The following ALB variants were observed in gnomAD, a reference collection of about 807,000 sequenced individuals.
ALB encodes the protein albumin, also known as serum albumin.
A neutral mutation model predicts 74.5 loss-of-function variants in ALB; 37 were observed. The ratio of observed to expected loss-of-function variants is 0.50; its 90% CI spans 0.38 to 0.65. The LOEUF (loss-of-function observed/expected upper bound fraction) is 0.65, where lower values mean the gene tolerates loss of function less well. ALB is among the 30% of genes least tolerant of loss of function. ALB has a pLI of 0.00. For missense variants in ALB, 685 were observed against 718.7 expected (o/e 0.95, Z 0.54); for synonymous variants, 249 against 251.6 (o/e 0.99, Z 0.10).
chr4:73,417,956 C>A, intron 11 of ALB, 132 bp from the exon 12 acceptor site: 1 of 882,248 alleles, frequency 1.1e-6, no homozygotes, highest in South Asian at 1.4e-5. Flanking sequence ...TCAAGCCATT[C>A]TCCTGCCTCA....
rs1356780437 is a variant in ALB at position 73,417,647 on chromosome 4, G to T, written c.1406G>T (p.Arg469Ile). 1 of 1,613,566 alleles carries T rather than the reference G, an allele frequency of 6.2e-7. No homozygotes were observed. Among genetic ancestry groups the T allele is most frequent in the Non-Finnish European group, 8.5e-7 (1 of 1,179,794 alleles). Residue 469 changes from arginine (R) to isoleucine (I), a missense_variant, in exon 11 of 15, where the codon AGA (arginine) becomes ATA (isoleucine). Arg to Ile is a moderately conservative substitution (Grantham distance 97). Coordinates refer to ENST00000295897, the MANE Select transcript of ALB (RefSeq NM_000477.7). ...SKCCKHPEAK[R>I]MPCAEDYLSV... ...TGTTGTAAACATCCTGAAGCAAAAA[G>T]AATGCCCTGTGCAGAAGACTATGTG...
At chr4:73,418,938 CA>C (rs1719082334) in intron 12 of ALB, among the ~76,000 whole-genome samples, 1 of 152,072 alleles carries the variant, frequency 6.6e-6, no homozygotes, top group Non-Finnish European at 1.5e-5. Context: ...GTTGTCTTTG[CA>C]GATGTCAGTG....
At chr4:73,411,739 T>C (rs1718882124) in intron 6 of ALB, among the ~76,000 whole-genome samples, 1 of 152,202 alleles carries the variant, frequency 6.6e-6, no homozygotes, top group Non-Finnish European at 1.5e-5. Context: ...TCTCAGCCTG[T>C]TGCCCCTTTT....
At chr4:73,420,488 G>A (rs923035973) in intron 14 of ALB, among the ~76,000 whole-genome samples, 167 bp downstream of exon 14, 2 of 152,054 alleles carry the variant, frequency 1.3e-5, no homozygotes, top group African/African-American at 4.8e-5. Context: ...TGCTGAGTTG[G>A]GAACCACTAT....
intron 14 of ALB, 44 bp downstream of exon 14, chr4:73,420,365 A>AC: frequency 7.8e-7 from 1 of 1,289,726 alleles, no homozygotes; most frequent in Non-Finnish European, 1.1e-6. Context: ...TATAATAGTT[A>AC]TTATTAAAAT....
intron 9 of ALB, 129 bp from the exon 10 acceptor site, chr4:73,416,127 T>G: frequency 2.9e-6 from 2 of 698,012 alleles, no homozygotes; most frequent in Non-Finnish European, 5.2e-6. Context: ...AGAGCGGCAT[T>G]GATATTCATC....
Position 73,413,411 on chromosome 4 carries a change from T to A in ALB, c.844-9T>A. The A allele has an allele frequency of 6.2e-7, 1 of 1,609,844 alleles. No individual in the cohort carries two copies. Among genetic ancestry groups the A allele is most frequent in the South Asian group, 1.1e-5 (1 of 90,968 alleles). On this transcript the variant is annotated splice_polypyrimidine_tract_variant and intron_variant, in intron 7 of 14. Transcript: ENST00000295897. ...TCGTGTTGAACAATTTCCACCAACT[T>A]ACTTATAGGCGGACCTTGCCAAGTA... is the stretch of plus-strand genomic sequence containing the variant.
At chr4:73,412,245 G>C (rs1398041611) in intron 7 of ALB, 120 bp downstream of exon 7, 1 of 1,263,446 alleles carries the variant, frequency 7.9e-7, no homozygotes, top group Non-Finnish European at 1.1e-6. Context: ...GCTTTCGTCT[G>C]TCCTATCTTC....
chr4:73,410,684 A>T (rs1718852131), intron 6 of ALB, among the ~76,000 whole-genome samples: 1 of 152,134 alleles, frequency 6.6e-6, no homozygotes, highest in Admixed American at 6.5e-5. Context: ...CTATTTATTT[A>T]TAAAATCTTG....
chr4:73,411,920 G>A (rs554891308), intron 6 of ALB, 76 bp from the exon 7 acceptor site: 2 of 1,573,386 alleles, frequency 1.3e-6, no homozygotes, highest in South Asian at 1.1e-5. Context: ...TTTCTTATGA[G>A]AAATAGTATT....
At chr4:73,411,966 T>C in intron 6 of ALB, 30 bp from the exon 7 acceptor site, 7 of 1,613,828 alleles carry the variant, frequency 4.3e-6, no homozygotes, top group Non-Finnish European at 5.9e-6. Flanking sequence ...CGCATGATAA[T>C]ACCATTTTGA....
intron 1 of ALB, among the ~76,000 whole-genome samples, 199 bp downstream of exon 1, chr4:73,404,605 A>G (rs1047404730): frequency 6.6e-6 from 1 of 152,042 alleles, no homozygotes; most frequent in Non-Finnish European, 1.5e-5. Context: ...AAAAGGTCAG[A>G]ATTGTTTAGT....
At chr4:73,410,433 G>A (rs55772354) in intron 6 of ALB, 24 bp downstream of exon 6, 28,942 of 1,504,060 alleles carry the variant, frequency 0.019, 339 homozygotes, top group Middle Eastern at 0.022. Flanking sequence ...AACATAGTTG[G>A]CATCTTTATA....
At chr4:73,412,205 A>T in intron 7 of ALB, 80 bp downstream of exon 7, 4 of 1,541,192 alleles carry the variant, frequency 2.6e-6, no homozygotes, top group Non-Finnish European at 3.6e-6. Context: ...CATTGGTGAT[A>T]GCTGACAGTG....
chr4:73,413,094 C>G (rs1343678118), intron 7 of ALB, among the ~76,000 whole-genome samples: 1 of 152,020 alleles, frequency 6.6e-6, no homozygotes, highest in Non-Finnish European at 1.5e-5. Context: ...TTTCAAAAGG[C>G]CTGCACTTAA....
chr4:73,421,192 A>C lies in ALB; in HGVS notation c.*124A>C, dbSNP rs1719132027. On this transcript the variant is annotated 3_prime_UTR_variant, in exon 15 of 15. Transcript: ENST00000295897. ...GCCAACACCCTGTCTAAAAAACATAAATTTCTTTAATCATTTTGCCTCTTT... is the reference window on the plus strand; with the variant it reads ...GCCAACACCCTGTCTAAAAAACATACATTTCTTTAATCATTTTGCCTCTTT... The C allele has an allele frequency of 4.6e-6, 3 of 651,094 alleles. No individual in the cohort carries two copies. The East Asian group carries it at 8.2e-5, about 18-fold the overall frequency. The allele number at this position is 651,094 out of a possible 1,614,324, so 40.3% of individuals were successfully genotyped here.
chr4:73,409,271 G>A lies in ALB; in HGVS notation c.483-84G>A. On this transcript the variant is annotated intron_variant, in intron 4 of 14. Transcript: ENST00000295897. ...AATTAGATATCTTTGGAATTTGGAG[G>A]TTCTGGGGAGAATGTCGATTACAAT... 6 of 1,465,390 alleles carry A rather than the reference G, an allele frequency of 4.1e-6. No individual in the cohort carries two copies. In the Middle Eastern group the frequency reaches 7.0e-4, roughly 172 times the overall value. 90.8% of individuals were successfully genotyped at this position (1,465,390 alleles called of 1,614,324 possible). A position where few individuals can be genotyped will look rare whatever the true frequency, so the allele number is the denominator to read the frequency against.
chr4:73,412,183 T>A, intron 7 of ALB, 58 bp downstream of exon 7: 1 of 1,605,662 alleles, frequency 6.2e-7, no homozygotes, highest in Non-Finnish European at 8.5e-7. Context: ...GTAGAATGGA[T>A]GCGTTTGGTA....
chr4:73,412,903 T>G (rs1179646710), intron 7 of ALB, among the ~76,000 whole-genome samples: 1 of 152,238 alleles, frequency 6.6e-6, no homozygotes, highest in Non-Finnish European at 1.5e-5. Flanking sequence ...TTCTCAAAAC[T>G]TATAATATTT....
Sources: allele counts gnomAD v4.1 joint callset (sites outside exome capture counted in the v4.1 genomes callset), GRCh38; gene constraint gnomAD v4.1.1; transcripts MANE v1.5; gene names NCBI Gene and HGNC (gene_info 2026-07-23, HGNC 2026-07-21).